Variants in LAMB1 observed in about 807,000 individuals in gnomAD.
LAMB1 encodes the protein laminin subunit beta-1.
LAMB1 carries 121 observed loss-of-function variants against 222.3 expected under a neutral mutation model. The observed-to-expected ratio is 0.54, with a 90% CI of 0.47 to 0.63. LAMB1 has a LOEUF of 0.63. Among genes scored for constraint, LAMB1 ranks in the 30% least tolerant of loss-of-function variants. The pLI, the probability that LAMB1 is intolerant of heterozygous loss-of-function variation, is 0.00. For synonymous variants in LAMB1, 794 were observed against 807.2 expected (o/e 0.98, Z 0.28); for missense variants, 2,172 against 2,240.8 (o/e 0.97, Z 0.62).
intron 9 of LAMB1, among the ~76,000 whole-genome samples, chr7:107,977,793 C>T (rs1403264097): frequency 6.6e-6 from 1 of 152,114 alleles, no homozygotes; most frequent in African/African-American, 2.4e-5. Flanking sequence ...GATACAATGT[C>T]AAGGACAGCA....
rs1562974206 is a variant in LAMB1, at chr7:107,931,341, G to GA, written c.4537+14dup. 7 of 1,546,990 alleles carry GA rather than the reference G, an allele frequency of 4.5e-6. No homozygotes were observed. In the South Asian group the frequency reaches 7.8e-5, roughly 17 times the overall value. ...AGAAACAAATGTCTAAAAGTAAAATGAAAAAATTTCTTACGGGTCAAAAAG... is the reference window on the plus strand; with the variant it reads ...AGAAACAAATGTCTAAAAGTAAAATGAAAAAAATTTCTTACGGGTCAAAAAG... On this transcript the variant is annotated intron_variant, in intron 29 of 33. Coordinates refer to ENST00000222399, the MANE Select transcript of LAMB1 (RefSeq NM_002291.3).
chr7:107,959,389 C>T lies in LAMB1; in HGVS notation c.2550G>A (p.Gln850=), dbSNP rs757952945. 6.2e-7 allele frequency: 1 copy of T among 1,614,260 alleles called. No homozygotes were observed. Among genetic ancestry groups the T allele is most frequent in the South Asian group, 1.1e-5 (1 of 91,088 alleles). The stretch of plus-strand genomic sequence containing the variant: ...AGTGCCCAGGTAAGCACCGATCACA[C>T]TGCCGAGCATACACTCCCTGGAAAC... ...CHCFQGVYAR[Q]CDRCLPGHWG... is the part of the protein sequence containing the mutation. The change falls in exon 20 of 34, where the codon CAG becomes CAA. Residue 850 remains glutamine (Q), a synonymous_variant. Coordinates refer to ENST00000222399, the MANE Select transcript of LAMB1 (RefSeq NM_002291.3).
At chr7:107,934,176 C>T (rs891659284) in intron 27 of LAMB1, among the ~76,000 whole-genome samples, 5 of 152,074 alleles carry the variant, frequency 3.3e-5, no homozygotes, top group African/African-American at 1.2e-4. Context: ...TATTTGCTCC[C>T]TATTTGCTAT....
At chr7:107,936,722 T>C (rs1584488291) in intron 26 of LAMB1, among the ~76,000 whole-genome samples, 1 of 152,158 alleles carries the variant, frequency 6.6e-6, no homozygotes, top group African/African-American at 2.4e-5. Context: ...CCAAGCAGCA[T>C]TCTTGAATGT....
rs1383510087 is a variant in LAMB1, at chr7:107,963,061, C to A, written c.1701G>T (p.Gly567=). 2 of 1,601,922 alleles carry A rather than the reference C, an allele frequency of 1.2e-6. No individual in the cohort carries two copies. The highest frequency in any genetic ancestry group is 2.7e-5 in the African/African-American group (2 of 74,356). Residue 567 remains glycine (G), a splice_region_variant and synonymous_variant, in exon 15 of 34, where the codon GGG becomes GGT. Transcript: ENST00000222399. Reference sequence around the variant, plus strand: ...TATATTGCCGCTCCACTATGCTAACCCCCTGAGGGCATGGCAAACAATGGT... The same window carrying A: ...TATATTGCCGCTCCACTATGCTAACACCCTGAGGGCATGGCAAACAATGGT... ...YEAEEANLGP[G]VSIVERQYIQ...
chr7:107,984,252 T>C (rs2034029967), intron 7 of LAMB1, among the ~76,000 whole-genome samples: 1 of 151,990 alleles, frequency 6.6e-6, no homozygotes. Flanking sequence ...CCACATCTCA[T>C]TTTTTTGTTT....
In LAMB1 at chr7:107,940,195, G is replaced by A. The variant is rs1209477529; in HGVS notation, c.3555C>T (p.Leu1185=). Residue 1185 remains leucine (L), a synonymous_variant, in exon 25 of 34, where the codon CTC becomes CTT. Transcript: ENST00000222399. Reference sequence around the variant, plus strand: ...TCAGCTCGGCAATGATCACATCCCAGAGAGCAAAGCACTGGTGGCAGGGTG... The same window carrying A: ...TCAGCTCGGCAATGATCACATCCCAAAGAGCAAAGCACTGGTGGCAGGGTG... The part of the protein sequence containing the change: ...DCTPCHQCFA[L]WDVIIAELTN... 6.2e-7 allele frequency: 1 copy of A among 1,614,204 alleles called. No homozygotes were observed. Among genetic ancestry groups the A allele is most frequent in the South Asian group, 1.1e-5 (1 of 91,084 alleles).
chr7:107,994,587 C>T lies in LAMB1; in HGVS notation c.423+300G>A, dbSNP rs576377817. Among the ~76,000 whole-genome samples the T allele has an allele frequency of 1.2e-4, 19 of 152,152 alleles. 1 individual carries two copies. Among genetic ancestry groups the T allele is most frequent in the South Asian group, 4.1e-4 (2 of 4,828 alleles). On this transcript the variant is annotated intron_variant, in intron 5 of 33. Coordinates refer to ENST00000222399, the MANE Select transcript of LAMB1 (RefSeq NM_002291.3). Reference sequence around the variant, plus strand: ...GATTTACTCTCCAGATGTTTTATTGCGGTTTGGAAAAGGGTCAACACTGCC... The same window carrying T: ...GATTTACTCTCCAGATGTTTTATTGTGGTTTGGAAAAGGGTCAACACTGCC...
intron 15 of LAMB1, among the ~76,000 whole-genome samples, chr7:107,962,114 C>G (rs138520528): frequency 1.3e-3 from 194 of 152,330 alleles, no homozygotes; most frequent in African/African-American, 4.2e-3. Context: ...CTATTTCTTA[C>G]TTTTGTGCCA....
intron 21 of LAMB1, 56 bp from the exon 22 acceptor site, chr7:107,953,810 C>T: frequency 6.8e-7 from 1 of 1,468,110 alleles, no homozygotes; most frequent in Non-Finnish European, 9.5e-7. Context: ...GAAAGCTCAC[C>T]AGTGCACCGA....
chr7:107,935,130 A>C (rs557307188), intron 27 of LAMB1, among the ~76,000 whole-genome samples: 9 of 152,092 alleles, frequency 5.9e-5, no homozygotes, highest in Admixed American at 2.6e-4. Context: ...TGAGTAGCTA[A>C]AACAGTATGG....
At chr7:107,957,957 G>A (rs1181216824) in intron 20 of LAMB1, among the ~76,000 whole-genome samples, 5 of 152,102 alleles carry the variant, frequency 3.3e-5, no homozygotes, top group African/African-American at 9.7e-5. Flanking sequence ...GCTGGTCACA[G>A]ATATCAACTA....
At chr7:107,927,554 G>C (rs2116314061) in intron 31 of LAMB1, among the ~76,000 whole-genome samples, 1 of 152,262 alleles carries the variant, frequency 6.6e-6, no homozygotes, top group East Asian at 1.9e-4. Context: ...TTGGCCTTAA[G>C]TGATCCTCTC....
intron 12 of LAMB1, 34 bp from the exon 13 acceptor site, chr7:107,973,105 G>A: frequency 1.3e-6 from 2 of 1,570,088 alleles, no homozygotes; most frequent in Non-Finnish European, 1.8e-6. Context: ...GTAACGGTAG[G>A]TTTCTGTAAT....
intron 5 of LAMB1, among the ~76,000 whole-genome samples, chr7:107,991,337 C>T (rs969916208): frequency 6.6e-6 from 1 of 152,134 alleles, no homozygotes; most frequent in African/African-American, 2.4e-5. Context: ...TTTTGTATCC[C>T]TGCACTTTGG....
At chr7:107,976,861 TTCCTTCCTTCCTTTCCTCTTGC>T (rs1563000018) in intron 9 of LAMB1, among the ~76,000 whole-genome samples, 4 of 30,126 alleles carry the variant, frequency 1.3e-4, no homozygotes, top group Admixed American at 7.3e-4. Flanking sequence ...TTTCCTCTCC[TTCCTTCCTTCCTTTCCTCTTGC>T]TCCTTCCTTC....
chr7:107,977,365 G>C (rs2033888313), intron 9 of LAMB1, among the ~76,000 whole-genome samples: 1 of 152,170 alleles, frequency 6.6e-6, no homozygotes, highest in South Asian at 2.1e-4. Flanking sequence ...ATGGATGGAG[G>C]GAGGTATGCC....
intron 9 of LAMB1, among the ~76,000 whole-genome samples, chr7:107,976,981 CCTTT>C (rs1465657426): frequency 7.2e-6 from 1 of 139,648 alleles, no homozygotes; most frequent in Admixed American, 7.1e-5. Flanking sequence ...CTCCTTCCTT[CCTTT>C]CCTCTTCCTC....
At chr7:107,994,186 C>T (rs1013029017) in intron 5 of LAMB1, among the ~76,000 whole-genome samples, 46 of 152,240 alleles carry the variant, frequency 3.0e-4, no homozygotes, top group Non-Finnish European at 5.1e-4. Context: ...CCATGTGAAG[C>T]CTGTCATTTC....
Sources: gnomAD v4.1 joint callset for allele counts (sites outside exome capture counted in the v4.1 genomes callset) on GRCh38, gnomAD v4.1.1 for gene constraint, MANE v1.5 for transcripts, NCBI Gene and HGNC (gene_info 2026-07-23, HGNC 2026-07-21) for gene names.